The following MCM8 variants were observed in gnomAD, a reference collection of about 807,000 sequenced individuals.
MCM8 encodes minichromosome maintenance 8 homologous recombination repair factor.
Under a neutral mutation model 98.9 loss-of-function variants are expected in MCM8, and 85 were observed. That is an observed-to-expected ratio of 0.86 (90% CI 0.72 to 1.03). The LOEUF (loss-of-function observed/expected upper bound fraction) is 1.03. Ranked by LOEUF, MCM8 falls within the 50% of genes least tolerant of loss-of-function variation. The pLI, the probability that MCM8 is intolerant of heterozygous loss-of-function variation, is 0.00. For missense variants in MCM8, 951 were observed against 997.8 expected, an observed-to-expected ratio of 0.95 and a Z score of 0.63; for synonymous variants, 352 against 338.6, an observed-to-expected ratio of 1.04 and a Z score of -0.44.
Position 5,994,734 on chromosome 20 carries a change from TA to T in MCM8, c.*361del, listed in dbSNP as rs11422423. ...GGCAACATAGCAAGACCCCATTTCT[TA>T]AAAAAAAAAAAAAAAAATTTAAACT... is the stretch of plus-strand genomic sequence containing the variant. On this transcript the variant is annotated 3_prime_UTR_variant, in exon 19 of 19. Transcript: ENST00000610722. The T allele has an allele frequency of 0.042, 16,897 of 400,890 alleles. No individual in the cohort carries two copies. The highest frequency in any genetic ancestry group is 0.075 in the South Asian group (4,261 of 56,524). 24.8% of individuals were successfully genotyped at this position (400,890 alleles called of 1,614,324 possible). A position where few individuals can be genotyped will look rare whatever the true frequency, so the allele number is the denominator to read the frequency against.
intron 17 of MCM8, chr20:5,991,265 A>G (rs1052609516): frequency 2.6e-5 from 4 of 152,192 alleles, no homozygotes; most frequent in African/African-American, 4.8e-5. Context: ...TAAAAATGCT[A>G]TATTGCCCAT....
At position 5,953,438 on chromosome 20, in the gene MCM8, G is replaced by GGTGTGTGTGT. The variant is rs11470045; in HGVS notation, c.253+934_253+943dup. Among the ~76,000 whole-genome samples, 679 of 146,292 alleles carry GGTGTGTGTGT rather than the reference G, an allele frequency of 4.6e-3. 6 individuals are homozygous for GGTGTGTGTGT. Among genetic ancestry groups the GGTGTGTGTGT allele is most frequent in the African/African-American group, 0.015 (585 of 39,480 alleles). ...CATTTGTTTCTTATGTCTCATGAGG[G>GGTGTGTGTGT]GTGTGTGTGTGTGTGTGTGTGTGTG... On this transcript the variant is annotated intron_variant, in intron 3 of 18. Coordinates refer to ENST00000610722, the MANE Select transcript of MCM8 (RefSeq NM_032485.6).
Position 5,958,687 on chromosome 20 carries a change from C to G in MCM8, c.750C>G (p.Ser250Arg), listed in dbSNP as rs1253624661. 1 of 1,614,046 alleles carries G rather than the reference C, an allele frequency of 6.2e-7. No homozygotes were observed. The highest frequency in any genetic ancestry group is 1.1e-5 in the South Asian group (1 of 91,090). The change falls in exon 7 of 19, where the codon AGC (serine) becomes AGG (arginine). Residue 250 changes from serine to arginine, a missense_variant. Physicochemically the swap from Ser to Arg is moderately radical, Grantham distance 110 (BLOSUM62 -1). Transcript: ENST00000610722. Reference sequence around the variant, plus strand: ...GTGCTGCATGTGGAGAAATTCAGAGCTTTCCTCTTCCAGATGGAAAATACA... The same window carrying G: ...GTGCTGCATGTGGAGAAATTCAGAGGTTTCCTCTTCCAGATGGAAAATACA... ...FLCAACGEIQ[S>R]FPLPDGKYSL...
chr20:5,966,301 T>A (rs1242285722), intron 8 of MCM8, among the ~76,000 whole-genome samples: 1 of 152,168 alleles, frequency 6.6e-6, no homozygotes, highest in East Asian at 1.9e-4. Flanking sequence ...CTGACTGATT[T>A]CTCAGCTTCC....
chr20:5,960,997 A>C (rs538414762), intron 7 of MCM8, among the ~76,000 whole-genome samples: 3 of 152,164 alleles, frequency 2.0e-5, no homozygotes, highest in Admixed American at 2.0e-4. Context: ...TATTTCCTAC[A>C]TTGCTTCTAA....
chr20:5,984,985 A>G lies in MCM8; in HGVS notation c.1938A>G (p.Leu646=), dbSNP rs145746870. 2.4e-5 allele frequency: 38 copies of G among 1,612,496 alleles called. No individual in the cohort carries two copies. The African/African-American group carries it at 4.4e-4, about 19-fold the overall frequency. The stretch of plus-strand genomic sequence containing the variant: ...TTGAAGTAGTTTCTGAGAAGCCATT[A>G]TCAGAAAGACTAAAGGTATAAATGT... ...SVLEVVSEKP[L]SERLKVVPGE... Residue 646 remains leucine, a synonymous_variant, in exon 15 of 19, where the codon TTA becomes TTG. Coordinates refer to ENST00000610722, the MANE Select transcript of MCM8 (RefSeq NM_032485.6).
Position 5,998,038 on chromosome 20 carries a change from TAAA to T in MCM8, c.*3648_*3650del, listed in dbSNP as rs2089980442. The T allele has an allele frequency of 6.6e-6, 1 of 152,316 alleles. No homozygotes were observed. The highest frequency in any genetic ancestry group is 1.9e-4 in the East Asian group (1 of 5,180). The allele number at this position is 152,316 out of a possible 1,614,324, so 9.4% of individuals were successfully genotyped here. On this transcript the variant is annotated 3_prime_UTR_variant, in exon 19 of 19. Coordinates refer to ENST00000610722, the MANE Select transcript of MCM8 (RefSeq NM_032485.6). ...ATGGATCTTTATAGCTCTCCTTTGA[TAAA>T]GAAGGGAAATATCGTACTTACATTA...
chr20:5,974,461 C>T (rs2089468081), intron 12 of MCM8, among the ~76,000 whole-genome samples: 1 of 152,234 alleles, frequency 6.6e-6, no homozygotes, highest in Non-Finnish European at 1.5e-5. Context: ...TGGCCCCCTT[C>T]TTCACTCGAT....
chr20:5,990,377 T>G (rs902153577), intron 17 of MCM8, among the ~76,000 whole-genome samples: 65 of 152,128 alleles, frequency 4.3e-4, no homozygotes, highest in African/African-American at 1.5e-3. Context: ...GCGCCTGACA[T>G]CACACAGTCC....
At chr20:5,976,150 G>A (rs2089507143) in intron 12 of MCM8, among the ~76,000 whole-genome samples, 1 of 152,144 alleles carries the variant, frequency 6.6e-6, no homozygotes, top group Non-Finnish European at 1.5e-5. Context: ...AAAAAAATTA[G>A]GTGTGGTGGC....
intron 12 of MCM8, 127 bp from the exon 13 acceptor site, chr20:5,977,749 G>A: frequency 1.1e-6 from 1 of 919,338 alleles, no homozygotes; most frequent in South Asian, 1.9e-5. Flanking sequence ...TGCTGGTGAT[G>A]GTGCACCTTG....
intron 14 of MCM8, among the ~76,000 whole-genome samples, chr20:5,983,533 T>G (rs1290797676): frequency 6.6e-6 from 1 of 152,012 alleles, no homozygotes; most frequent in Non-Finnish European, 1.5e-5. Flanking sequence ...AACCCCGTCT[T>G]TAGTAAAAAT....
rs140773345 is a variant in MCM8 at position 5,986,027 on chromosome 20, C to T, written c.2059C>T (p.Arg687Ter). 4.1e-5 allele frequency: 66 copies of T among 1,614,022 alleles called. No individual in the cohort carries two copies. The highest frequency in any genetic ancestry group is 6.7e-5 in the African/African-American group (5 of 74,894). ...CCCAAGGCTATCCACAGAAGCTGCT[C>T]GAGTTCTTCAAGATTTTTACCTTGA... The part of the protein sequence containing the change: ...VYPRLSTEAA[R>*]VLQDFYLELR... Residue 687 changes from arginine to a stop codon, truncating the protein, a stop_gained, in exon 16 of 19, where the codon CGA (arginine) becomes TGA (stop). Coordinates refer to ENST00000610722, the MANE Select transcript of MCM8 (RefSeq NM_032485.6). LOFTEE classifies it high-confidence loss of function.
rs35260943 is a variant in MCM8, at chr20:5,955,182, A to G, written c.417A>G (p.Pro139=). The change falls in exon 5 of 19, where the codon CCA becomes CCG. Residue 139 remains proline (P), a synonymous_variant. Coordinates refer to ENST00000610722, the MANE Select transcript of MCM8 (RefSeq NM_032485.6). The stretch of plus-strand genomic sequence containing the variant: ...GTGGTGAAGTAACTAACTTGATACC[A>G]GATATAGCAACTGAACTAAGAGATG... ...TEGGEVTNLI[P]DIATELRDAP... is the part of the protein sequence containing the mutation. 345 of 1,613,890 alleles carry G rather than the reference A, an allele frequency of 2.1e-4. No homozygotes were observed. The highest frequency in any genetic ancestry group is 2.8e-4 in the Non-Finnish European group (332 of 1,179,910).
chr20:5,989,512 C>G (rs1289061891), intron 17 of MCM8, among the ~76,000 whole-genome samples: 2 of 152,170 alleles, frequency 1.3e-5, no homozygotes, highest in African/African-American at 4.8e-5. Context: ...ACTGGCAGAT[C>G]TCACCCTAGA....
In MCM8 at chr20:5,986,752, C is replaced by A. The variant is rs373007642; in HGVS notation, c.2164-530C>A. Among the ~76,000 whole-genome samples, 5 of 152,152 alleles carry A rather than the reference C, an allele frequency of 3.3e-5. No individual in the cohort carries two copies. In the East Asian group the frequency reaches 5.8e-4, roughly 18 times the overall value. On this transcript the variant is annotated intron_variant, in intron 16 of 18. Transcript: ENST00000610722. ...CCTGAAATGATCACTCAGAAATATA[C>A]GTTAACAAGTAAAAATGAGGTTTAT...
intron 13 of MCM8, among the ~76,000 whole-genome samples, chr20:5,978,451 C>T (rs564664855): frequency 2.6e-5 from 4 of 152,288 alleles, no homozygotes; most frequent in South Asian, 2.1e-4. Context: ...TTATTGAATG[C>T]GTTACTATGA....
chr20:5,961,796 T>C (rs560570843), intron 7 of MCM8, among the ~76,000 whole-genome samples: 1 of 152,272 alleles, frequency 6.6e-6, no homozygotes, highest in South Asian at 2.1e-4. Flanking sequence ...ATAAATTAGG[T>C]AGTAGCATTG....
intron 7 of MCM8, among the ~76,000 whole-genome samples, chr20:5,959,129 G>A (rs1156453503): frequency 1.3e-5 from 2 of 150,988 alleles, no homozygotes; most frequent in Non-Finnish European, 2.9e-5. Flanking sequence ...CTACTATTTA[G>A]AAGTGATGGG....
Sources: gnomAD v4.1 joint callset for allele counts (sites outside exome capture counted in the v4.1 genomes callset) on GRCh38, gnomAD v4.1.1 for gene constraint, MANE v1.5 for transcripts, NCBI Gene and HGNC (gene_info 2026-07-23, HGNC 2026-07-21) for gene names.